Variants in OSBPL11 observed in about 807,000 individuals in gnomAD.
The protein encoded by OSBPL11 is oxysterol binding protein like 11.
Under a neutral mutation model 84.4 loss-of-function variants are expected in OSBPL11, and 33 were observed. The observed-to-expected ratio is 0.39, with a 90% CI of 0.30 to 0.52. The LOEUF is 0.52. Ranked by LOEUF, OSBPL11 falls within the 20% of genes least tolerant of loss-of-function variation. OSBPL11 has a pLI of 0.72. For synonymous variants in OSBPL11, 276 were observed against 310.2 expected, an observed-to-expected ratio of 0.89 and a Z score of 1.16; for missense variants, 736 against 901.1, an observed-to-expected ratio of 0.82 and a Z score of 2.35.
At chr3:125,571,664 G>T (rs1936244862) in intron 5 of OSBPL11, among the ~76,000 whole-genome samples, 1 of 152,198 alleles carries the variant, frequency 6.6e-6, no homozygotes, top group African/African-American at 2.4e-5. Flanking sequence ...GAGGCTTCAG[G>T]TGCCTCAGGC....
Position 125,530,467 on chromosome 3 carries a change from G to C in OSBPL11, c.*48C>G. 1.3e-6 allele frequency: 2 copies of C among 1,527,546 alleles called. No individual in the cohort carries two copies. The highest frequency in any genetic ancestry group is 1.8e-6 in the Non-Finnish European group (2 of 1,101,642). 94.6% of individuals were successfully genotyped at this position (1,527,546 alleles called of 1,614,324 possible). On this transcript the variant is annotated 3_prime_UTR_variant, in exon 13 of 13. Coordinates refer to ENST00000296220, the MANE Select transcript of OSBPL11 (RefSeq NM_022776.5). Reference sequence around the variant, plus strand: ...AATGACTCCATTCTGGGAGGATTTAGGGTAAACAGAGAAGAACCTCATTTG... The same window carrying C: ...AATGACTCCATTCTGGGAGGATTTACGGTAAACAGAGAAGAACCTCATTTG...
At chr3:125,567,325 T>G (rs1253470662) in intron 6 of OSBPL11, 69 bp downstream of exon 6, 1 of 1,316,850 alleles carries the variant, frequency 7.6e-7, no homozygotes, top group Admixed American at 2.2e-5. Context: ...AAATTAGAAT[T>G]ACAACAAATA....
intron 9 of OSBPL11, 79 bp from the exon 10 acceptor site, chr3:125,547,671 T>C (rs1935840027): frequency 8.6e-7 from 1 of 1,158,676 alleles, no homozygotes. Context: ...ATTTTGTTCT[T>C]GTCTAGTAAA....
chr3:125,591,085 A>G (rs1453149602), intron 1 of OSBPL11, among the ~76,000 whole-genome samples: 3 of 152,216 alleles, frequency 2.0e-5, no homozygotes, highest in Non-Finnish European at 4.4e-5. Context: ...GATAATGTAA[A>G]GACAATTATC....
In OSBPL11 at chr3:125,553,944, G is replaced by A. The variant is rs185671648; in HGVS notation, c.1156-1265C>T. Among the ~76,000 whole-genome samples, 8 of 152,276 alleles carry A rather than the reference G, an allele frequency of 5.3e-5. No homozygotes were observed. The East Asian group carries it at 1.5e-3, about 29-fold the overall frequency. On this transcript the variant is annotated intron_variant, in intron 8 of 12. Transcript: ENST00000296220. ...TAGACAAAACACAACAAAATTTTGA[G>A]AGTTCCTAACTAGAAAGCTGAAACT...
Position 125,538,470 on chromosome 3 carries a change from G to A in OSBPL11, c.2005C>T (p.Gln669Ter). Residue 669 changes from glutamine to a stop codon, truncating the protein, a stop_gained, in exon 11 of 13, where the codon CAG (glutamine) becomes TAG (stop). Transcript: ENST00000296220. LOFTEE classifies it high-confidence loss of function. ...ACATACCTGGATTCAAATGGATCCT[G>A]CTTCTCCAGAGGTCTCACTCTTTTC... Reference protein sequence around the residue: ...TKKRVRPLEKQDPFESRRLWK... With the variant: ...TKKRVRPLEK 1 of 1,613,734 alleles carries A rather than the reference G, an allele frequency of 6.2e-7. No individual in the cohort carries two copies. Among genetic ancestry groups the A allele is most frequent in the African/African-American group, 1.3e-5 (1 of 75,048 alleles).
intron 2 of OSBPL11, among the ~76,000 whole-genome samples, chr3:125,581,733 G>C (rs1580062009): frequency 6.9e-6 from 1 of 145,268 alleles, no homozygotes; most frequent in Non-Finnish European, 1.5e-5. Flanking sequence ...ACTCTAAAAA[G>C]GGCTGGATGA....
chr3:125,594,918 G>A lies in OSBPL11; in HGVS notation c.-118C>T. The A allele has an allele frequency of 1.8e-6, 2 of 1,104,666 alleles. No individual in the cohort carries two copies. The highest frequency in any genetic ancestry group is 1.6e-5 in the African/African-American group (1 of 63,442). 68.4% of individuals were successfully genotyped at this position (1,104,666 alleles called of 1,614,324 possible). A position where few individuals can be genotyped will look rare whatever the true frequency, so the allele number is the denominator to read the frequency against. ...TATGATACCGGTTGCTAAATCACAC[G>A]GCGGCTGGGGCGGGACTGTCAAATG... On this transcript the variant is annotated 5_prime_UTR_variant, in exon 1 of 13. Transcript: ENST00000296220.
In OSBPL11 at chr3:125,567,542, G is replaced by A. The variant is rs1310102123; in HGVS notation, c.720C>T (p.Cys240=). The A allele has an allele frequency of 1.9e-6, 3 of 1,614,124 alleles. No individual in the cohort carries two copies. Among genetic ancestry groups the A allele is most frequent in the Non-Finnish European group, 2.5e-6 (3 of 1,179,982 alleles). Residue 240 remains cysteine (C), a synonymous_variant, in exon 6 of 13, where the codon TGC becomes TGT. Transcript: ENST00000296220. ...AACTAAGATGGCCAGAAGTAGGAAGGCATTCAATTCGTCTAATTAAGTCTC... is the reference window on the plus strand; with the variant it reads ...AACTAAGATGGCCAGAAGTAGGAAGACATTCAATTCGTCTAATTAAGTCTC... The part of the protein sequence containing the change: ...QQRDLIRRIE[C]LPTSGHLSSL...
At chr3:125,570,723 T>C (rs1350192861) in intron 5 of OSBPL11, among the ~76,000 whole-genome samples, 2 of 152,166 alleles carry the variant, frequency 1.3e-5, no homozygotes, top group East Asian at 3.9e-4. Flanking sequence ...CCTGCTGCCA[T>C]CCATGTAAGA....
At position 125,552,671 on chromosome 3, in the gene OSBPL11, A is replaced by C. The variant is rs1935931039; in HGVS notation, c.1164T>G (p.Leu388=). 4 of 1,611,384 alleles carry C rather than the reference A, an allele frequency of 2.5e-6. No homozygotes were observed. Among genetic ancestry groups the C allele is most frequent in the Non-Finnish European group, 3.4e-6 (4 of 1,178,676 alleles). Residue 388 remains leucine, a synonymous_variant, in exon 9 of 13, where the codon CTT becomes CTG. Transcript: ENST00000296220. ...AACGCTTCTCTAGGATAAATGTAGG[A>C]AGCACCACCTAAAACAACAATCAAT... ...KLGMDLTRVV[L]PTFILEKRSL... is the part of the protein sequence containing the mutation.
intron 6 of OSBPL11, among the ~76,000 whole-genome samples, chr3:125,565,176 T>G (rs771073381): frequency 4.6e-5 from 7 of 151,998 alleles, no homozygotes; most frequent in Non-Finnish European, 7.4e-5. Context: ...GCCTGGGAGG[T>G]TGAGCTGCAG....
intron 1 of OSBPL11, among the ~76,000 whole-genome samples, chr3:125,592,807 C>T (rs2107615594): frequency 6.6e-6 from 1 of 151,542 alleles, no homozygotes; most frequent in East Asian, 1.9e-4. Context: ...ATAAAAAACA[C>T]ATATGTAGAT....
intron 9 of OSBPL11, 101 bp downstream of exon 9, chr3:125,552,080 C>A (rs779394620): frequency 1.2e-5 from 8 of 660,220 alleles, no homozygotes; most frequent in East Asian, 4.5e-5. Context: ...TGTTCTAAAG[C>A]CTTTTAAAGT....
chr3:125,572,396 G>C (rs527290829), intron 5 of OSBPL11, among the ~76,000 whole-genome samples: 1 of 152,274 alleles, frequency 6.6e-6, no homozygotes, highest in African/African-American at 2.4e-5. Context: ...GGGAAGGCAT[G>C]ATTAGTTTTG....
At chr3:125,535,082 G>T (rs77470052) in intron 11 of OSBPL11, among the ~76,000 whole-genome samples, 15,637 of 151,334 alleles carry the variant, frequency 0.1, 1,661 homozygotes, top group African/African-American at 0.28. Flanking sequence ...CCAAAATCTG[G>T]TTTTTTGTGT....
rs146201487 is a variant in OSBPL11 at position 125,577,030 on chromosome 3, A to T, written c.490-665T>A. ...GAAAATGCACTCAGCAATATAATAC[A>T]TTTCCTAATGTAACATGCCAAGTAT... On this transcript the variant is annotated intron_variant, in intron 4 of 12. Coordinates refer to ENST00000296220, the MANE Select transcript of OSBPL11 (RefSeq NM_022776.5). Among the ~76,000 whole-genome samples the T allele has an allele frequency of 1.7e-3, 261 of 152,292 alleles. 2 individuals carry two copies. Among genetic ancestry groups the T allele is most frequent in the African/African-American group, 5.9e-3 (247 of 41,560 alleles).
chr3:125,533,127 T>TACTAA (rs1935586022), intron 11 of OSBPL11, among the ~76,000 whole-genome samples: 1 of 152,068 alleles, frequency 6.6e-6, no homozygotes, highest in Non-Finnish European at 1.5e-5. Flanking sequence ...TCGAGAAAGT[T>TACTAA]ACTAAACATC....
At position 125,552,747 on chromosome 3, in the gene OSBPL11, T is replaced by C; in HGVS notation, c.1156-68A>G. Reference sequence around the variant, plus strand: ...GTAGCATATCTGTAGACAACTATTCTCTCTCTGAAAACATTTCATTCTAGA... The same window carrying C: ...GTAGCATATCTGTAGACAACTATTCCCTCTCTGAAAACATTTCATTCTAGA... On this transcript the variant is annotated intron_variant, in intron 8 of 12. Coordinates refer to ENST00000296220, the MANE Select transcript of OSBPL11 (RefSeq NM_022776.5). The C allele has an allele frequency of 6.7e-6, 10 of 1,489,396 alleles. No homozygotes were observed. The South Asian group carries it at 1.1e-4, about 16-fold the overall frequency. 92.3% of individuals were successfully genotyped at this position (1,489,396 alleles called of 1,614,324 possible). A position where few individuals can be genotyped will look rare whatever the true frequency, so the allele number is the denominator to read the frequency against.
Sources: gnomAD v4.1 joint callset for allele counts (sites outside exome capture counted in the v4.1 genomes callset) on GRCh38, gnomAD v4.1.1 for gene constraint, MANE v1.5 for transcripts, NCBI Gene and HGNC (gene_info 2026-07-23, HGNC 2026-07-21) for gene names.